TEKT5: variants seen among roughly 807,000 people sequenced by gnomAD.
TEKT5 encodes the protein tektin 5, also known as tektin-5.
Under a neutral mutation model 48.7 loss-of-function variants are expected in TEKT5, and 52 were observed. The observed-to-expected ratio is 1.07, with a 90% confidence interval of 0.86 to 1.35. The LOEUF (loss-of-function observed/expected upper bound fraction) is 1.35, where lower values mean the gene tolerates loss of function less well. Ranked by LOEUF, TEKT5 falls within the 40% of genes most tolerant of loss-of-function variation. TEKT5 has a pLI of 0.00. For synonymous variants in TEKT5, 318 were observed against 267.6 expected (o/e 1.19, Z -1.84); for missense variants, 831 against 641.6 (o/e 1.30, Z -3.19).
intron 5 of TEKT5, among the ~76,000 whole-genome samples, chr16:10,657,622 C>T (rs1178311212): frequency 6.7e-6 from 1 of 149,774 alleles, no homozygotes; most frequent in African/African-American, 2.5e-5. Flanking sequence ...TGGAGTCTCG[C>T]TCAGTCACCC....
chr16:10,669,390 C>T (rs1267401012), intron 5 of TEKT5, among the ~76,000 whole-genome samples: 5 of 152,130 alleles, frequency 3.3e-5, no homozygotes, highest in African/African-American at 9.6e-5. Context: ...ACCTGGCAGG[C>T]GGAGGTTGCA....
At chr16:10,634,979 A>C (rs147097085) in intron 6 of TEKT5, among the ~76,000 whole-genome samples, 8 of 152,264 alleles carry the variant, frequency 5.3e-5, no homozygotes, top group African/African-American at 1.9e-4. Context: ...GAGATAACAA[A>C]TGTGGTTCTT....
chr16:10,685,864 T>C (rs1477984638), intron 3 of TEKT5, among the ~76,000 whole-genome samples: 3 of 152,118 alleles, frequency 2.0e-5, no homozygotes, highest in Non-Finnish European at 4.4e-5. Flanking sequence ...CCACCTCTGG[T>C]TGCATCATCT....
At chr16:10,635,726 C>T (rs751084460) in intron 6 of TEKT5, 38 bp downstream of exon 6, 2 of 1,593,328 alleles carry the variant, frequency 1.3e-6, no homozygotes, top group Non-Finnish European at 1.7e-6. Flanking sequence ...CCTGGATTCC[C>T]AGGGGTTCTC....
At chr16:10,681,965 G>C (rs10221070) in intron 4 of TEKT5, 28 bp downstream of exon 4, 1 of 1,609,882 alleles carries the variant, frequency 6.2e-7, no homozygotes, top group Non-Finnish European at 8.5e-7. Flanking sequence ...GACACGCCAG[G>C]GATGGGGAGG....
Position 10,681,377 on chromosome 16 carries a change from G to GTCTCTC in TEKT5, c.863+610_863+615dup, listed in dbSNP as rs59484637. ...AGCCTGGCTCCAGATTCCACTCTCT[G>GTCTCTC]TCTCTCTCTCTCTCTCTCTCTCTCT... On this transcript the variant is annotated intron_variant, in intron 4 of 6. Coordinates refer to ENST00000283025, the MANE Select transcript of TEKT5 (RefSeq NM_144674.2). Among the ~76,000 whole-genome samples the GTCTCTC allele has an allele frequency of 8.6e-3, 333 of 38,782 alleles. 4 individuals are homozygous for GTCTCTC. Among genetic ancestry groups the GTCTCTC allele is most frequent in the East Asian group, 0.046 (16 of 348 alleles). 25.4% of individuals were successfully genotyped at this position (38,782 alleles called of 152,430 possible). A position where few individuals can be genotyped will look rare whatever the true frequency, so the allele number is the denominator to read the frequency against.
intron 5 of TEKT5, among the ~76,000 whole-genome samples, chr16:10,639,303 C>G (rs60015018): frequency 0.036 from 5,204 of 145,124 alleles, 327 homozygotes; most frequent in African/African-American, 0.13. Flanking sequence ...AACAAAAACC[C>G]TATCTCCAAA....
chr16:10,643,346 T>C (rs879485087), intron 5 of TEKT5, among the ~76,000 whole-genome samples: 1 of 151,710 alleles, frequency 6.6e-6, no homozygotes, highest in African/African-American at 2.4e-5. Flanking sequence ...ACCATTGCAC[T>C]GCAGGCTGGG....
chr16:10,635,956 C>T (rs1369384704), intron 5 of TEKT5, 38 bp from the exon 6 acceptor site: 1 of 1,606,860 alleles, frequency 6.2e-7, no homozygotes, highest in South Asian at 1.1e-5. Flanking sequence ...CCCACCAGGC[C>T]CTTCTGACCT....
rs1567235371 is a variant in TEKT5, at chr16:10,682,140, C to T, written c.720-4G>A. The T allele has an allele frequency of 6.2e-7, 1 of 1,613,676 alleles. No individual in the cohort carries two copies. Among genetic ancestry groups the T allele is most frequent in the Non-Finnish European group, 8.5e-7 (1 of 1,179,824 alleles). On this transcript the variant is annotated splice_polypyrimidine_tract_variant and splice_region_variant and intron_variant, in intron 3 of 6. Coordinates refer to ENST00000283025, the MANE Select transcript of TEKT5 (RefSeq NM_144674.2). ...GTGCTGAGCATCCCGGTTATCCCTG[C>T]AGGGAGGGAGGAGTCATTCCTGGAC...
At chr16:10,656,476 C>G (rs1288788608) in intron 5 of TEKT5, among the ~76,000 whole-genome samples, 1 of 152,090 alleles carries the variant, frequency 6.6e-6, no homozygotes, top group African/African-American at 2.4e-5. Flanking sequence ...TGGCCTCAAA[C>G]TCCTGGGCTC....
intron 4 of TEKT5, among the ~76,000 whole-genome samples, chr16:10,681,377 GTCTCTCTCTCTC>G (rs59484637): frequency 1.5e-4 from 6 of 38,780 alleles, no homozygotes; most frequent in Non-Finnish European, 2.5e-4. Context: ...TCCACTCTCT[GTCTCTCTCTCTC>G]TCTCTCTCTC....
rs147968863 is a variant in TEKT5, at chr16:10,658,565, T to A, written c.1086+17394A>T. On this transcript the variant is annotated intron_variant, in intron 5 of 6. Coordinates refer to ENST00000283025, the MANE Select transcript of TEKT5 (RefSeq NM_144674.2). ...CAAATCTAACGGCTGGTGATAGAAG[T>A]AAGAATGATAGTTCCTTTGGGGAGG... Among the ~76,000 whole-genome samples the A allele has an allele frequency of 9.2e-3, 1,393 of 151,944 alleles. 30 individuals are homozygous for A. The highest frequency in any genetic ancestry group is 0.029 in the African/African-American group (1,189 of 41,420).
chr16:10,647,806 C>T (rs1010060468), intron 5 of TEKT5, among the ~76,000 whole-genome samples: 4 of 152,228 alleles, frequency 2.6e-5, no homozygotes, highest in Non-Finnish European at 5.9e-5. Flanking sequence ...TCCACAGAGT[C>T]ATTGATTCAT....
intron 3 of TEKT5, among the ~76,000 whole-genome samples, chr16:10,688,442 C>A (rs951429411): frequency 1.3e-5 from 2 of 152,222 alleles, no homozygotes; most frequent in Admixed American, 6.5e-5. Flanking sequence ...GCCCGCCCCC[C>A]CTGCATCCAC....
intron 5 of TEKT5, among the ~76,000 whole-genome samples, chr16:10,661,916 C>G (rs1898378446): frequency 6.6e-6 from 1 of 152,138 alleles, no homozygotes. Context: ...GTAATGTGTT[C>G]AGCACTGTGG....
chr16:10,678,135 G>T (rs1022544463), intron 4 of TEKT5, among the ~76,000 whole-genome samples: 1 of 152,182 alleles, frequency 6.6e-6, no homozygotes, highest in African/African-American at 2.4e-5. Flanking sequence ...CAGGTCCTGG[G>T]TAACTTCTGA....
chr16:10,679,933 A>G (rs1898716570), intron 4 of TEKT5, among the ~76,000 whole-genome samples: 1 of 118,806 alleles, frequency 8.4e-6, no homozygotes. Flanking sequence ...AGAAAACCAC[A>G]AATACAAAGC....
At chr16:10,627,980 C>T (rs977612728) in intron 6 of TEKT5, among the ~76,000 whole-genome samples, 181 bp from the exon 7 acceptor site, 7 of 151,852 alleles carry the variant, frequency 4.6e-5, no homozygotes, top group Non-Finnish European at 5.9e-5. Flanking sequence ...GCTGGGATTA[C>T]GGGCATGCAC....
Sources: allele counts gnomAD v4.1 joint callset (sites outside exome capture counted in the v4.1 genomes callset), GRCh38; gene constraint gnomAD v4.1.1; transcripts MANE v1.5; gene names NCBI Gene and HGNC (gene_info 2026-07-23, HGNC 2026-07-21).